MAGI2: variants seen among roughly 807,000 people sequenced by gnomAD.
The protein encoded by MAGI2 is membrane associated guanylate kinase, WW and PDZ domain containing 2.
Under a neutral mutation model 133.3 loss-of-function variants are expected in MAGI2, and 35 were observed. The observed-to-expected ratio is 0.26, with a 90% CI of 0.20 to 0.35. MAGI2 has a LOEUF of 0.35. Ranked by LOEUF, MAGI2 falls within the 10% of genes least tolerant of loss-of-function variation. The probability of loss-of-function intolerance (pLI) is 1.00; values close to 1 mark genes in which losing one functional copy is unlikely to be tolerated. For synonymous variants in MAGI2, 729 were observed against 710.6 expected (o/e 1.03, Z -0.41); for missense variants, 1,636 against 1,863.4 (o/e 0.88, Z 2.25).
chr7:78,785,639 C>T (rs1463301029), intron 2 of MAGI2, among the ~76,000 whole-genome samples: 1 of 152,136 alleles, frequency 6.6e-6, no homozygotes, highest in East Asian at 1.9e-4. Context: ...TATATCTTTA[C>T]TCCTTGCTTT....
In MAGI2 at chr7:78,040,436, C is replaced by G. The variant is rs566026810; in HGVS notation, c.3707-20460G>C. Among the ~76,000 whole-genome samples, 15 of 152,334 alleles carry G rather than the reference C, an allele frequency of 9.8e-5. No homozygotes were observed. In the East Asian group the frequency reaches 2.7e-3, roughly 28 times the overall value. On this transcript the variant is annotated intron_variant, in intron 21 of 21. Coordinates refer to ENST00000354212, the MANE Select transcript of MAGI2 (RefSeq NM_012301.4). ...CCGCGGGTTCCCTTCTCGCCGCGTT[C>G]TCTACCCTGCCCGGCTCAGCCCAGG...
chr7:78,101,735 G>A (rs1327131567), intron 20 of MAGI2, among the ~76,000 whole-genome samples: 1 of 152,160 alleles, frequency 6.6e-6, no homozygotes, highest in African/African-American at 2.4e-5. Context: ...GCACAGCAAA[G>A]GGAACCTTTG....
intron 12 of MAGI2, among the ~76,000 whole-genome samples, chr7:78,194,261 TACA>T (rs1828509714): frequency 6.6e-6 from 1 of 152,176 alleles, no homozygotes; most frequent in Non-Finnish European, 1.5e-5. Context: ...GTTTATAAAG[TACA>T]ACAATTTTAA....
chr7:79,136,111 AAGAAAG>A (rs1396574495), intron 1 of MAGI2, among the ~76,000 whole-genome samples: 2 of 150,842 alleles, frequency 1.3e-5, no homozygotes, highest in African/African-American at 4.9e-5. Context: ...GAAAGAAAGA[AAGAAAG>A]AAAGAAAGAA....
At chr7:78,892,123 T>C (rs1290123438) in intron 2 of MAGI2, among the ~76,000 whole-genome samples, 1 of 152,136 alleles carries the variant, frequency 6.6e-6, no homozygotes, top group Non-Finnish European at 1.5e-5. Context: ...TGAACTCCCA[T>C]TCACAATTGC....
Position 78,684,330 on chromosome 7 carries a change from C to T in MAGI2, c.419-57091G>A, listed in dbSNP as rs144259878. On this transcript the variant is annotated intron_variant, in intron 2 of 21. Coordinates refer to ENST00000354212, the MANE Select transcript of MAGI2 (RefSeq NM_012301.4). ...TGACTTTCAGGTTTGCTGTGTGAAG[C>T]TAGGAATCACAGCCTATGATCCCCC... is the stretch of plus-strand genomic sequence containing the variant. Among the ~76,000 whole-genome samples the T allele has an allele frequency of 3.7e-3, 556 of 152,202 alleles. 8 individuals carry two copies. The highest frequency in any genetic ancestry group is 0.013 in the Admixed American group (201 of 15,272).
intron 1 of MAGI2, among the ~76,000 whole-genome samples, chr7:79,016,370 T>G (rs1462405923): frequency 6.6e-6 from 1 of 152,128 alleles, no homozygotes; most frequent in African/African-American, 2.4e-5. Context: ...TAGGCCTGAT[T>G]GCAGTGCAGC....
At chr7:78,141,285 T>C (rs1822721890) in intron 16 of MAGI2, among the ~76,000 whole-genome samples, 1 of 152,178 alleles carries the variant, frequency 6.6e-6, no homozygotes, top group Non-Finnish European at 1.5e-5. Context: ...ATCTCTTTAA[T>C]ACATGGTGGA....
chr7:78,987,193 A>G (rs1256273204), intron 2 of MAGI2, among the ~76,000 whole-genome samples: 2 of 152,036 alleles, frequency 1.3e-5, no homozygotes, highest in Non-Finnish European at 2.9e-5. Flanking sequence ...TATTTTATAA[A>G]TTTACACTGC....
intron 2 of MAGI2, among the ~76,000 whole-genome samples, chr7:78,681,419 T>A (rs1010335784): frequency 6.6e-6 from 1 of 152,202 alleles, no homozygotes; most frequent in Non-Finnish European, 1.5e-5. Context: ...ACCCAGCAGA[T>A]TCTGTTTGCC....
At chr7:79,445,068 G>A (rs567875343) in intron 1 of MAGI2, among the ~76,000 whole-genome samples, 1 of 152,254 alleles carries the variant, frequency 6.6e-6, no homozygotes, top group South Asian at 2.1e-4. Flanking sequence ...ATGGGGAAAG[G>A]ATTCCCTATT....
At chr7:78,698,293 T>C (rs970705654) in intron 2 of MAGI2, among the ~76,000 whole-genome samples, 3 of 152,066 alleles carry the variant, frequency 2.0e-5, no homozygotes, top group Non-Finnish European at 4.4e-5. Flanking sequence ...GGTTCCAAAA[T>C]CTGAAAAATT....
At chr7:78,162,539 A>AC (rs1825164286) in intron 15 of MAGI2, among the ~76,000 whole-genome samples, 1 of 151,230 alleles carries the variant, frequency 6.6e-6, no homozygotes, top group African/African-American at 2.4e-5. Context: ...AAAAAAAACA[A>AC]AAAACAAAAA....
intron 2 of MAGI2, among the ~76,000 whole-genome samples, chr7:78,641,569 T>C (rs1810313034): frequency 6.6e-6 from 1 of 152,184 alleles, no homozygotes. Context: ...GTCTCCTAGA[T>C]TTGTACTTGT....
intron 21 of MAGI2, among the ~76,000 whole-genome samples, chr7:78,070,502 GTATA>G (rs200378174): frequency 6.9e-6 from 1 of 145,250 alleles, no homozygotes; most frequent in African/African-American, 2.6e-5. Context: ...ATATGTGTGT[GTATA>G]TATATGTGTG....
intron 4 of MAGI2, among the ~76,000 whole-genome samples, chr7:78,505,284 AT>A (rs1256534202): frequency 6.6e-6 from 1 of 152,200 alleles, no homozygotes; most frequent in East Asian, 1.9e-4. Flanking sequence ...TCTAATAGAA[AT>A]AAAGTATCTA....
At chr7:79,280,172 G>A (rs1237282392) in intron 1 of MAGI2, among the ~76,000 whole-genome samples, 1 of 152,090 alleles carries the variant, frequency 6.6e-6, no homozygotes, top group Non-Finnish European at 1.5e-5. Context: ...AAGATACAGA[G>A]GCACATGTGA....
At chr7:78,348,948 A>C (rs2159512) in intron 7 of MAGI2, among the ~76,000 whole-genome samples, 128,796 of 152,198 alleles carry the variant, frequency 0.85, 54,858 homozygotes, top group African/African-American at 0.93. Flanking sequence ...TTATACTATT[A>C]AGAGTATTTA....
chr7:79,010,588 T>A (rs972632141), intron 1 of MAGI2, among the ~76,000 whole-genome samples: 10 of 152,182 alleles, frequency 6.6e-5, no homozygotes, highest in Non-Finnish European at 1.3e-4. Context: ...TTCTGCTCTA[T>A]CATTTGTTAA....
Sources: allele counts gnomAD v4.1 joint callset (sites outside exome capture counted in the v4.1 genomes callset), GRCh38; gene constraint gnomAD v4.1.1; transcripts MANE v1.5; gene names NCBI Gene and HGNC (gene_info 2026-07-23, HGNC 2026-07-21).